The following SLC10A7 variants were observed in gnomAD, a reference collection of about 807,000 sequenced individuals.
SLC10A7 encodes the protein solute carrier family 10 member 7.
In SLC10A7, 29 loss-of-function variants were observed where a neutral mutation model predicts 43.2. The ratio of observed to expected loss-of-function variants is 0.67; its 90% CI spans 0.50 to 0.92. The LOEUF (loss-of-function observed/expected upper bound fraction) is 0.92, where lower values mean the gene tolerates loss of function less well. Ranked by LOEUF, SLC10A7 falls within the 40% of genes least tolerant of loss-of-function variation. The pLI is 0.00. For synonymous variants in SLC10A7, 152 were observed against 144.8 expected, an observed-to-expected ratio of 1.05 and a Z score of -0.35; for missense variants, 295 against 403.2, an observed-to-expected ratio of 0.73 and a Z score of 2.30.
intron 3 of SLC10A7, 42 bp from the exon 4 acceptor site, chr4:146,503,966 T>A: frequency 3.3e-6 from 5 of 1,515,572 alleles, no homozygotes; most frequent in Non-Finnish European, 4.6e-6. Flanking sequence ...AATTTTATAA[T>A]CATAGACAGC....
chr4:146,254,329 C>A lies in SLC10A7; in HGVS notation c.*2162G>T, dbSNP rs1029974775. 2 of 151,810 alleles carry A rather than the reference C, an allele frequency of 1.3e-5. No homozygotes were observed. The highest frequency in any genetic ancestry group is 4.8e-5 in the African/African-American group (2 of 41,302). The allele number at this position is 151,810 out of a possible 1,614,324, so 9.4% of individuals were successfully genotyped here. On this transcript the variant is annotated 3_prime_UTR_variant, in exon 12 of 12. Coordinates refer to ENST00000335472, the MANE Select transcript of SLC10A7 (RefSeq NM_001029998.6). ...TAAATACATTTAGACAAAACAAATGCATAAAACAGATAGCTTTACAGTGTA... is the reference window on the plus strand; with the variant it reads ...TAAATACATTTAGACAAAACAAATGAATAAAACAGATAGCTTTACAGTGTA...
chr4:146,312,800 T>G (rs1732069150), intron 6 of SLC10A7, among the ~76,000 whole-genome samples: 1 of 152,158 alleles, frequency 6.6e-6, no homozygotes, highest in African/African-American at 2.4e-5. Context: ...AAACTTAAAG[T>G]GTGCAATCAC....
intron 5 of SLC10A7, among the ~76,000 whole-genome samples, chr4:146,401,750 T>C (rs569034414): frequency 6.6e-6 from 1 of 152,294 alleles, no homozygotes; most frequent in East Asian, 1.9e-4. Flanking sequence ...GGATTCCATA[T>C]GCTTGAAATA....
At chr4:146,272,166 G>A (rs896216678) in intron 10 of SLC10A7, among the ~76,000 whole-genome samples, 2 of 152,194 alleles carry the variant, frequency 1.3e-5, no homozygotes, top group Non-Finnish European at 2.9e-5. Flanking sequence ...AATGGATGAT[G>A]TAGATTATGT....
At chr4:146,349,969 C>T (rs1055952726) in intron 5 of SLC10A7, among the ~76,000 whole-genome samples, 1 of 151,956 alleles carries the variant, frequency 6.6e-6, no homozygotes, top group Non-Finnish European at 1.5e-5. Flanking sequence ...TGTACATGTA[C>T]CCCCACAAAT....
intron 5 of SLC10A7, among the ~76,000 whole-genome samples, chr4:146,338,495 T>A (rs1734042893): frequency 6.6e-6 from 1 of 151,958 alleles, no homozygotes; most frequent in African/African-American, 2.4e-5. Context: ...TCTCTACCAT[T>A]GTGTTGATAT....
intron 6 of SLC10A7, among the ~76,000 whole-genome samples, chr4:146,322,621 T>C (rs1048724252): frequency 5.9e-5 from 9 of 152,318 alleles, no homozygotes; most frequent in Admixed American, 3.3e-4. Flanking sequence ...CAGTCTATCA[T>C]TGATAGACAT....
At chr4:146,266,559 T>C (rs1728571058) in intron 10 of SLC10A7, among the ~76,000 whole-genome samples, 1 of 152,138 alleles carries the variant, frequency 6.6e-6, no homozygotes, top group South Asian at 2.1e-4. Flanking sequence ...CAATTATACA[T>C]TTTTTAGAGT....
chr4:146,383,072 T>G (rs1398360847), intron 5 of SLC10A7, among the ~76,000 whole-genome samples: 1 of 152,136 alleles, frequency 6.6e-6, no homozygotes, highest in Non-Finnish European at 1.5e-5. Flanking sequence ...TCCTTATCTA[T>G]TGTGACCTGC....
intron 1 of SLC10A7, among the ~76,000 whole-genome samples, chr4:146,519,113 A>AC (rs1491554654): frequency 1.0e-5 from 1 of 99,554 alleles, no homozygotes; most frequent in African/African-American, 3.5e-5. Flanking sequence ...ATATATATAT[A>AC]ATATAATATA....
At chr4:146,356,282 C>G (rs1027552069) in intron 5 of SLC10A7, among the ~76,000 whole-genome samples, 1 of 152,008 alleles carries the variant, frequency 6.6e-6, no homozygotes, top group Non-Finnish European at 1.5e-5. Flanking sequence ...ATTTCAGTTT[C>G]CTGTTTACTA....
At chr4:146,504,580 A>C (rs993339693) in intron 3 of SLC10A7, among the ~76,000 whole-genome samples, 1 of 152,004 alleles carries the variant, frequency 6.6e-6, no homozygotes, top group African/African-American at 2.4e-5. Context: ...AAGTGTATAT[A>C]GTCTTAGGTT....
chr4:146,360,604 C>A (rs1735974811), intron 5 of SLC10A7, among the ~76,000 whole-genome samples: 1 of 151,510 alleles, frequency 6.6e-6, no homozygotes, highest in African/African-American at 2.4e-5. Context: ...CCACACCTGG[C>A]TTTTTGTTTG....
intron 5 of SLC10A7, among the ~76,000 whole-genome samples, chr4:146,411,279 A>G (rs1052853714): frequency 1.1e-4 from 17 of 152,326 alleles, no homozygotes; most frequent in African/African-American, 4.1e-4. Context: ...GTGGTGCCCT[A>G]TAGCAAAGTC....
chr4:146,289,707 T>A (rs1257976156), intron 9 of SLC10A7, among the ~76,000 whole-genome samples: 2 of 85,718 alleles, frequency 2.3e-5, no homozygotes. Context: ...TGATTATTAG[T>A]TTTTTTTTTT....
intron 5 of SLC10A7, among the ~76,000 whole-genome samples, chr4:146,337,270 A>G (rs1046035716): frequency 2.6e-5 from 4 of 152,098 alleles, no homozygotes; most frequent in Non-Finnish European, 5.9e-5. Flanking sequence ...GTATAAAGAC[A>G]TAAGCTTTCA....
intron 6 of SLC10A7, among the ~76,000 whole-genome samples, chr4:146,314,797 T>C (rs781534262): frequency 6.6e-6 from 1 of 152,074 alleles, no homozygotes; most frequent in Non-Finnish European, 1.5e-5. Context: ...ATTCTAATGG[T>C]AAAAACTCAA....
chr4:146,270,506 T>G (rs1578749348), intron 10 of SLC10A7, among the ~76,000 whole-genome samples: 1 of 152,212 alleles, frequency 6.6e-6, no homozygotes. Flanking sequence ...CGCCACACAT[T>G]GGAATCACCT....
intron 5 of SLC10A7, among the ~76,000 whole-genome samples, chr4:146,375,271 C>T (rs1038686238): frequency 2.0e-5 from 3 of 152,044 alleles, no homozygotes; most frequent in African/African-American, 7.2e-5. Context: ...TATGAATAGA[C>T]AGGAGCTTAA....
Sources: allele counts gnomAD v4.1 joint callset (sites outside exome capture counted in the v4.1 genomes callset), GRCh38; gene constraint gnomAD v4.1.1; transcripts MANE v1.5; gene names NCBI Gene and HGNC (gene_info 2026-07-23, HGNC 2026-07-21).